Variants in KCNH5 observed in about 807,000 individuals in gnomAD.
KCNH5 encodes voltage-gated delayed rectifier potassium channel KCNH5.
In KCNH5, 46 loss-of-function variants were observed where a neutral mutation model predicts 96.1. The ratio of observed to expected loss-of-function variants is 0.48; its 90% confidence interval spans 0.38 to 0.61. The LOEUF is 0.61. Ranked by LOEUF, KCNH5 falls within the 20% of genes least tolerant of loss-of-function variation. The probability of loss-of-function intolerance (pLI) is 0.00; values close to 1 mark genes in which losing one functional copy is unlikely to be tolerated. For missense variants in KCNH5, 907 were observed against 1,225.8 expected, an observed-to-expected ratio of 0.74 and a Z score of 3.88; for synonymous variants, 439 against 449.8, an observed-to-expected ratio of 0.98 and a Z score of 0.30.
chr14:62,855,769 T>C (rs1887915054), intron 7 of KCNH5, among the ~76,000 whole-genome samples: 1 of 152,104 alleles, frequency 6.6e-6, no homozygotes, highest in Non-Finnish European at 1.5e-5. Context: ...CATGAAAGAA[T>C]ACACAATGTT....
chr14:62,759,933 ACTTTT>A (rs1885711638), intron 10 of KCNH5, among the ~76,000 whole-genome samples: 1 of 152,140 alleles, frequency 6.6e-6, no homozygotes, highest in Non-Finnish European at 1.5e-5. Flanking sequence ...CATGTCAGGC[ACTTTT>A]CTTTTCTCCC....
intron 7 of KCNH5, among the ~76,000 whole-genome samples, chr14:62,903,846 A>G (rs1344181743): frequency 6.6e-6 from 1 of 152,100 alleles, no homozygotes; most frequent in Non-Finnish European, 1.5e-5. Context: ...TACTGATGCT[A>G]TTACAGTTTT....
chr14:62,731,303 A>T (rs772915278), intron 10 of KCNH5, among the ~76,000 whole-genome samples: 15 of 151,632 alleles, frequency 9.9e-5, no homozygotes, highest in Non-Finnish European at 1.9e-4. Flanking sequence ...TCCGTCTAAA[A>T]AATAATAATA....
intron 7 of KCNH5, among the ~76,000 whole-genome samples, chr14:62,877,313 G>A (rs564916795): frequency 0.011 from 1,644 of 151,648 alleles, 45 homozygotes; most frequent in African/African-American, 0.037. Flanking sequence ...AACACCAAAA[G>A]CAATGGCAAC....
At chr14:62,796,299 A>G (rs1388232042) in intron 9 of KCNH5, among the ~76,000 whole-genome samples, 3 of 152,178 alleles carry the variant, frequency 2.0e-5, no homozygotes, top group African/African-American at 7.2e-5. Context: ...GGCATGAGCC[A>G]CCATGCTGGG....
At chr14:62,934,477 T>C (rs1203984441) in intron 7 of KCNH5, among the ~76,000 whole-genome samples, 1 of 152,184 alleles carries the variant, frequency 6.6e-6, no homozygotes, top group African/African-American at 2.4e-5. Context: ...TTCTCTTCTG[T>C]ATCCAATGAA....
chr14:62,778,820 A>G (rs534224531), intron 10 of KCNH5, among the ~76,000 whole-genome samples: 1 of 152,354 alleles, frequency 6.6e-6, no homozygotes, highest in African/African-American at 2.4e-5. Context: ...TACTCCTGCT[A>G]GTCTCATCCT....
At chr14:62,825,748 T>C (rs375550432) in intron 8 of KCNH5, among the ~76,000 whole-genome samples, 1 of 151,758 alleles carries the variant, frequency 6.6e-6, no homozygotes. Flanking sequence ...CTTTCTTTTT[T>C]CTTTCTGTCT....
At position 62,701,096 on chromosome 14, in the gene KCNH5, A is replaced by T. The variant is rs1397720897; in HGVS notation, c.*6412T>A. On this transcript the variant is annotated 3_prime_UTR_variant, in exon 11 of 11. Coordinates refer to ENST00000322893, the MANE Select transcript of KCNH5 (RefSeq NM_139318.5). ...CAGTGATTCCGCATGAATGAGAGAG[A>T]GTGATCAGATCTTTTTGTTTCCTCC... The T allele has an allele frequency of 6.6e-6, 1 of 152,104 alleles. No homozygotes were observed. Among genetic ancestry groups the T allele is most frequent in the Admixed American group, 6.5e-5 (1 of 15,272 alleles). The allele number at this position is 152,104 out of a possible 1,614,324, so 9.4% of individuals were successfully genotyped here.
intron 8 of KCNH5, among the ~76,000 whole-genome samples, chr14:62,828,939 A>T (rs2140025396): frequency 6.6e-6 from 1 of 152,314 alleles, no homozygotes; most frequent in Admixed American, 6.5e-5. Flanking sequence ...AAGATACAAT[A>T]AGGATACAGG....
At chr14:62,964,035 G>A (rs1203284319) in intron 6 of KCNH5, among the ~76,000 whole-genome samples, 1 of 152,080 alleles carries the variant, frequency 6.6e-6, no homozygotes, top group Non-Finnish European at 1.5e-5. Flanking sequence ...AGAAAACAAT[G>A]TCAATGAAAG....
At position 62,704,422 on chromosome 14, in the gene KCNH5, T is replaced by C. The variant is rs917680062; in HGVS notation, c.*3086A>G. 1 of 151,914 alleles carries C rather than the reference T, an allele frequency of 6.6e-6. No homozygotes were observed. The highest frequency in any genetic ancestry group is 2.4e-5 in the African/African-American group (1 of 41,434). 9.4% of individuals were successfully genotyped at this position (151,914 alleles called of 1,614,324 possible). A position where few individuals can be genotyped will look rare whatever the true frequency, so the allele number is the denominator to read the frequency against. On this transcript the variant is annotated 3_prime_UTR_variant, in exon 11 of 11. Transcript: ENST00000322893. ...ATCTGGCTTTTGTGTGCCTATTTGC[T>C]TTTTATCATAATCTCTTCCATCTGC...
intron 6 of KCNH5, among the ~76,000 whole-genome samples, chr14:62,959,489 G>C (rs375077884): frequency 1.3e-5 from 2 of 152,028 alleles, no homozygotes; most frequent in African/African-American, 4.8e-5. Context: ...TAGGACCAAA[G>C]AAGGTCCACA....
intron 8 of KCNH5, among the ~76,000 whole-genome samples, chr14:62,820,602 G>A (rs1887095060): frequency 6.6e-6 from 1 of 151,928 alleles, no homozygotes; most frequent in African/African-American, 2.4e-5. Context: ...TTGGTTTTCT[G>A]TTTCTGCCTT....
At chr14:62,765,731 T>C (rs748169682) in intron 10 of KCNH5, among the ~76,000 whole-genome samples, 18 of 152,042 alleles carry the variant, frequency 1.2e-4, no homozygotes, top group Non-Finnish European at 2.5e-4. Context: ...CCTCAAACTA[T>C]GAAAATACTA....
intron 10 of KCNH5, among the ~76,000 whole-genome samples, chr14:62,724,132 T>C (rs1884872875): frequency 6.6e-6 from 1 of 152,186 alleles, no homozygotes; most frequent in African/African-American, 2.4e-5. Flanking sequence ...TGTATACTAA[T>C]TTATGTTTTA....
intron 5 of KCNH5, among the ~76,000 whole-genome samples, chr14:62,985,168 T>C (rs1890681764): frequency 6.6e-6 from 1 of 152,236 alleles, no homozygotes; most frequent in Admixed American, 6.5e-5. Flanking sequence ...ACTAATTGCA[T>C]ATTATCTTTT....
At chr14:63,035,124 G>A (rs1283107000) in intron 1 of KCNH5, among the ~76,000 whole-genome samples, 1 of 152,070 alleles carries the variant, frequency 6.6e-6, no homozygotes, top group African/African-American at 2.4e-5. Flanking sequence ...GGGAATAAAA[G>A]CTAAATCAGT....
chr14:62,805,335 T>C (rs550764176), intron 8 of KCNH5, among the ~76,000 whole-genome samples: 15 of 152,310 alleles, frequency 9.8e-5, no homozygotes, highest in African/African-American at 3.6e-4. Context: ...ACCTTTCCTT[T>C]TTTGTTTCAC....
Sources: allele counts gnomAD v4.1 joint callset (sites outside exome capture counted in the v4.1 genomes callset), GRCh38; gene constraint gnomAD v4.1.1; transcripts MANE v1.5; gene names NCBI Gene and HGNC (gene_info 2026-07-23, HGNC 2026-07-21).